Variants in RBFOX1 observed in about 807,000 individuals in gnomAD.
RBFOX1 encodes the protein RNA binding fox-1 homolog 1.
RBFOX1 carries 8 observed loss-of-function variants against 57.7 expected under a neutral mutation model. That is an observed-to-expected ratio of 0.14 (90% CI 0.08 to 0.25). The LOEUF (loss-of-function observed/expected upper bound fraction) is 0.25. RBFOX1 is among the 10% of genes least tolerant of loss of function. The pLI, the probability that RBFOX1 is intolerant of heterozygous loss-of-function variation, is 1.00. For missense variants in RBFOX1, 611 were observed against 548.5 expected, an observed-to-expected ratio of 1.11 and a Z score of -1.14; for synonymous variants, 326 against 222.4, an observed-to-expected ratio of 1.47 and a Z score of -4.15.
intron 3 of RBFOX1, among the ~76,000 whole-genome samples, chr16:6,974,881 G>A (rs1434436147): frequency 6.6e-6 from 1 of 152,012 alleles, no homozygotes; most frequent in East Asian, 1.9e-4. Flanking sequence ...GTTTCTTTCT[G>A]CAAATAGCTG....
At chr16:7,151,646 A>G (rs2076130813) in intron 4 of RBFOX1, among the ~76,000 whole-genome samples, 1 of 152,180 alleles carries the variant, frequency 6.6e-6, no homozygotes, top group Non-Finnish European at 1.5e-5. Flanking sequence ...TTTATTGTGC[A>G]CTTTATTTCT....
At chr16:6,946,513 C>G (rs1024372168) in intron 3 of RBFOX1, among the ~76,000 whole-genome samples, 1 of 152,182 alleles carries the variant, frequency 6.6e-6, no homozygotes, top group Non-Finnish European at 1.5e-5. Context: ...TTTTACATCT[C>G]CCATCCCTAC....
chr16:5,318,280 C>T (rs377604078), intron 1 of RBFOX1, among the ~76,000 whole-genome samples: 5 of 152,258 alleles, frequency 3.3e-5, no homozygotes, highest in African/African-American at 1.2e-4. Flanking sequence ...AGGCATTCAC[C>T]ACCACACCCG....
At chr16:5,770,409 T>C (rs148292257) in intron 3 of RBFOX1, among the ~76,000 whole-genome samples, 54 of 152,324 alleles carry the variant, frequency 3.5e-4, no homozygotes, top group African/African-American at 1.3e-3. Context: ...AGTTACCTTA[T>C]AGGGTTTAAA....
At chr16:5,721,797 C>A (rs1319294937) in intron 3 of RBFOX1, among the ~76,000 whole-genome samples, 1 of 152,186 alleles carries the variant, frequency 6.6e-6, no homozygotes, top group Non-Finnish European at 1.5e-5. Context: ...TGTCACAACC[C>A]TGCCTGTGGA....
At chr16:6,086,038 T>C (rs1421650583) in intron 1 of RBFOX1, among the ~76,000 whole-genome samples, 2 of 152,164 alleles carry the variant, frequency 1.3e-5, no homozygotes, top group Non-Finnish European at 2.9e-5. Flanking sequence ...GTCTTCTCAT[T>C]GTTCAGCTAC....
intron 11 of RBFOX1, among the ~76,000 whole-genome samples, chr16:7,647,264 T>G (rs2063932213): frequency 6.6e-6 from 1 of 152,170 alleles, no homozygotes; most frequent in Non-Finnish European, 1.5e-5. Flanking sequence ...GATGCTCAAT[T>G]GGTATTTTCT....
chr16:6,957,521 G>T (rs1039430273), intron 3 of RBFOX1, among the ~76,000 whole-genome samples: 6 of 152,112 alleles, frequency 3.9e-5, no homozygotes, highest in South Asian at 2.1e-4. Context: ...TCACCGTGCT[G>T]GGGGGAGTGT....
At chr16:5,252,967 G>A (rs1423560495) in intron 1 of RBFOX1, among the ~76,000 whole-genome samples, 1 of 152,106 alleles carries the variant, frequency 6.6e-6, no homozygotes, top group African/African-American at 2.4e-5. Context: ...TCACATGCAC[G>A]CAGCCAATTG....
chr16:7,354,952 C>G (rs2097189157), intron 4 of RBFOX1, among the ~76,000 whole-genome samples: 1 of 152,128 alleles, frequency 6.6e-6, no homozygotes, highest in African/African-American at 2.4e-5. Context: ...CTCATTTAAG[C>G]AAATTCGAAT....
At chr16:6,465,271 ATTG>A (rs779405107) in intron 2 of RBFOX1, among the ~76,000 whole-genome samples, 9 of 152,094 alleles carry the variant, frequency 5.9e-5, no homozygotes, top group Non-Finnish European at 1.2e-4. Flanking sequence ...TGTTGTTGTT[ATTG>A]TTGTTAATTA....
intron 13 of RBFOX1, among the ~76,000 whole-genome samples, chr16:7,669,486 A>C (rs2070663324): frequency 6.6e-6 from 1 of 152,206 alleles, no homozygotes; most frequent in African/African-American, 2.4e-5. Flanking sequence ...TATAGAGTAT[A>C]AATGTTAACC....
intron 3 of RBFOX1, among the ~76,000 whole-genome samples, chr16:6,895,448 G>GTGTATATA (rs869028735): frequency 8.0e-3 from 436 of 54,312 alleles, no homozygotes; most frequent in Non-Finnish European, 0.011. Flanking sequence ...GTGTGTGTGT[G>GTGTATATA]TATATATATA....
chr16:5,883,534 C>T (rs955012935), intron 4 of RBFOX1, among the ~76,000 whole-genome samples: 1 of 152,084 alleles, frequency 6.6e-6, no homozygotes. Flanking sequence ...CCCACAGTCC[C>T]AACGTTGGAC....
rs528454952 is a variant in RBFOX1, at chr16:6,143,616, C to T, written c.-127+123624C>T. ...GTTCTCTCTTGGAGGATGATAATTG[C>T]CCCAAATCATGCATGTATCTTATAT... On this transcript the variant is annotated intron_variant, in intron 1 of 15. Transcript: ENST00000550418. Among the ~76,000 whole-genome samples, 6 of 152,224 alleles carry T rather than the reference C, an allele frequency of 3.9e-5. No individual in the cohort carries two copies. In the South Asian group the frequency reaches 1.2e-3, roughly 32 times the overall value.
At chr16:5,590,325 T>A (rs1311716037) in intron 2 of RBFOX1, among the ~76,000 whole-genome samples, 1 of 152,180 alleles carries the variant, frequency 6.6e-6, no homozygotes, top group African/African-American at 2.4e-5. Flanking sequence ...CATCTGGGAA[T>A]AGGGAGGTAA....
At chr16:7,142,022 C>A (rs903514856) in intron 4 of RBFOX1, among the ~76,000 whole-genome samples, 2 of 151,128 alleles carry the variant, frequency 1.3e-5, no homozygotes, top group Non-Finnish European at 2.9e-5. Context: ...TTCCTTCTTC[C>A]TTCTTTCTTC....
At chr16:6,809,373 G>C (rs1295161368) in intron 3 of RBFOX1, among the ~76,000 whole-genome samples, 1 of 152,140 alleles carries the variant, frequency 6.6e-6, no homozygotes, top group Non-Finnish European at 1.5e-5. Context: ...CACTGTGCCA[G>C]ACACTTTCTA....
At chr16:6,573,673 G>C (rs1340326866) in intron 2 of RBFOX1, 1 of 152,238 alleles carries the variant, frequency 6.6e-6, no homozygotes, top group East Asian at 1.9e-4. Flanking sequence ...GCTGCTGTCT[G>C]CTGTGTGACA....
Sources: gnomAD v4.1 joint callset for allele counts (sites outside exome capture counted in the v4.1 genomes callset) on GRCh38, gnomAD v4.1.1 for gene constraint, MANE v1.5 for transcripts, NCBI Gene and HGNC (gene_info 2026-07-23, HGNC 2026-07-21) for gene names.